ITGBL1: variants seen among roughly 807,000 people sequenced by gnomAD.
ITGBL1 encodes the protein integrin beta-like protein 1.
Under a neutral mutation model 68.5 loss-of-function variants are expected in ITGBL1, and 51 were observed. The ratio of observed to expected loss-of-function variants is 0.74; its 90% CI spans 0.59 to 0.94. The LOEUF is 0.94. Ranked by LOEUF, ITGBL1 falls within the 40% of genes least tolerant of loss-of-function variation. The pLI, the probability that ITGBL1 is intolerant of heterozygous loss-of-function variation, is 0.00. For missense variants in ITGBL1, 649 were observed against 647.4 expected (o/e 1.00, Z -0.03); for synonymous variants, 209 against 227.3 (o/e 0.92, Z 0.72).
intron 3 of ITGBL1, among the ~76,000 whole-genome samples, chr13:101,569,273 T>G (rs2050235319): frequency 6.6e-6 from 1 of 152,190 alleles, no homozygotes; most frequent in South Asian, 2.1e-4. Context: ...ATTTAGGGTT[T>G]TTTTTTAGAG....
chr13:101,526,696 A>G (rs2049385924), intron 2 of ITGBL1, among the ~76,000 whole-genome samples: 1 of 146,430 alleles, frequency 6.8e-6, no homozygotes, highest in African/African-American at 2.5e-5. Flanking sequence ...TATGTAAGAA[A>G]AGTTCAGTAA....
chr13:101,569,017 C>G (rs538468364), intron 3 of ITGBL1, among the ~76,000 whole-genome samples: 2 of 138,856 alleles, frequency 1.4e-5, no homozygotes, highest in African/African-American at 5.4e-5. Flanking sequence ...ATAACACCCA[C>G]CCCTCCAAAC....
intron 4 of ITGBL1, 99 bp from the exon 5 acceptor site, chr13:101,579,188 T>TA: frequency 7.8e-7 from 1 of 1,275,182 alleles, no homozygotes; most frequent in Non-Finnish European, 1.1e-6. Flanking sequence ...GCTGTGACAG[T>TA]ATTTCAGAAG....
At chr13:101,709,516 G>A (rs113436139) in intron 9 of ITGBL1, among the ~76,000 whole-genome samples, 2 of 151,898 alleles carry the variant, frequency 1.3e-5, no homozygotes, top group South Asian at 2.1e-4. Context: ...AGAATGAATC[G>A]TTTTTGAATT....
intron 8 of ITGBL1, among the ~76,000 whole-genome samples, chr13:101,705,104 AT>A (rs1282613549): frequency 6.6e-6 from 1 of 151,978 alleles, no homozygotes; most frequent in Non-Finnish European, 1.5e-5. Flanking sequence ...TTTTAAAAGA[AT>A]GTCAGACATT....
At chr13:101,647,136 A>G (rs565291255) in intron 7 of ITGBL1, among the ~76,000 whole-genome samples, 18 of 152,298 alleles carry the variant, frequency 1.2e-4, no homozygotes, top group African/African-American at 4.1e-4. Context: ...TTATTCACTG[A>G]AATATATGAA....
At chr13:101,642,630 T>C (rs1424769916) in intron 7 of ITGBL1, among the ~76,000 whole-genome samples, 1 of 151,920 alleles carries the variant, frequency 6.6e-6, no homozygotes, top group African/African-American at 2.4e-5. Flanking sequence ...AGACATGAAG[T>C]CCTTGCCCAT....
chr13:101,647,039 CTTTT>C (rs1221864320), intron 7 of ITGBL1, among the ~76,000 whole-genome samples: 2 of 152,018 alleles, frequency 1.3e-5, no homozygotes, highest in African/African-American at 2.4e-5. Context: ...GTTTTCATCT[CTTTT>C]TTTATTTTCC....
At chr13:101,613,087 G>A (rs976298961) in intron 7 of ITGBL1, among the ~76,000 whole-genome samples, 6 of 151,976 alleles carry the variant, frequency 3.9e-5, no homozygotes, top group African/African-American at 1.5e-4. Flanking sequence ...AAACTTTTTG[G>A]ACCCTTAACT....
chr13:101,647,952 A>G (rs2032616219), intron 7 of ITGBL1, among the ~76,000 whole-genome samples: 1 of 152,204 alleles, frequency 6.6e-6, no homozygotes, highest in African/African-American at 2.4e-5. Flanking sequence ...CTGAATTTCA[A>G]CATCCATGAA....
intron 7 of ITGBL1, among the ~76,000 whole-genome samples, chr13:101,691,461 T>C (rs552006982): frequency 2.2e-4 from 33 of 152,204 alleles, no homozygotes; most frequent in Non-Finnish European, 3.1e-4. Flanking sequence ...TTTAACAAGA[T>C]ACAAGTTCAG....
chr13:101,533,450 AAGC>A (rs1465381511), intron 2 of ITGBL1, among the ~76,000 whole-genome samples: 1 of 152,230 alleles, frequency 6.6e-6, no homozygotes, highest in Non-Finnish European at 1.5e-5. Context: ...ATATTTTTAG[AAGC>A]AGACTTAAAA....
intron 7 of ITGBL1, among the ~76,000 whole-genome samples, chr13:101,611,880 T>A (rs950034792): frequency 6.6e-6 from 1 of 152,126 alleles, no homozygotes; most frequent in African/African-American, 2.4e-5. Context: ...TTGTGTCTGG[T>A]TTTGCAAAGC....
chr13:101,594,675 C>T (rs571412215), intron 6 of ITGBL1, among the ~76,000 whole-genome samples: 1 of 152,214 alleles, frequency 6.6e-6, no homozygotes, highest in African/African-American at 2.4e-5. Flanking sequence ...TATTTGCAAA[C>T]CATATATCCA....
intron 7 of ITGBL1, among the ~76,000 whole-genome samples, chr13:101,608,221 A>G (rs1484249256): frequency 6.6e-6 from 1 of 152,076 alleles, no homozygotes; most frequent in East Asian, 1.9e-4. Flanking sequence ...ACCTAGGAAC[A>G]TACTTTCAAA....
chr13:101,584,069 C>T (rs933314537), intron 6 of ITGBL1, among the ~76,000 whole-genome samples: 3 of 152,122 alleles, frequency 2.0e-5, no homozygotes, highest in Non-Finnish European at 1.5e-5. Flanking sequence ...CTTTGATAGG[C>T]TTTAATGTTA....
chr13:101,543,292 G>T (rs1033078479), intron 2 of ITGBL1, among the ~76,000 whole-genome samples: 7 of 152,036 alleles, frequency 4.6e-5, no homozygotes, highest in Non-Finnish European at 8.8e-5. Context: ...GTCTGTAAAG[G>T]ATTTTATTTC....
rs34627046 is a variant in ITGBL1 at position 101,689,211 on chromosome 13, T to TAAAAAAAAAAAAAAAAAAAAAAAAA, written c.1016-3352_1016-3351insAAAAAAAAAAAAAAAAAAAAAAAAA. On this transcript the variant is annotated intron_variant, in intron 7 of 10. Coordinates refer to ENST00000376180, the MANE Select transcript of ITGBL1 (RefSeq NM_004791.3). ...CCTGGGGACAGAGCAAGACTCTGCCTAAAAAAAAAAAAAAAAAAAAAATTA... is the reference window on the plus strand; with the variant it reads ...CCTGGGGACAGAGCAAGACTCTGCCTAAAAAAAAAAAAAAAAAAAAAAAAAAAAAAAAAAAAAAAAAAAAAAATTA... Among the ~76,000 whole-genome samples the TAAAAAAAAAAAAAAAAAAAAAAAAA allele has an allele frequency of 4.7e-3, 353 of 74,812 alleles. 23 individuals are homozygous for TAAAAAAAAAAAAAAAAAAAAAAAAA. Among genetic ancestry groups the TAAAAAAAAAAAAAAAAAAAAAAAAA allele is most frequent in the East Asian group, 0.012 (10 of 828 alleles). 49.1% of individuals were successfully genotyped at this position (74,812 alleles called of 152,430 possible).
intron 2 of ITGBL1, among the ~76,000 whole-genome samples, chr13:101,481,295 A>T (rs2048621144): frequency 6.6e-6 from 1 of 151,924 alleles, no homozygotes; most frequent in African/African-American, 2.4e-5. Context: ...AATAGGAAAA[A>T]GATAAAAGCC....
Sources: gnomAD v4.1 joint callset for allele counts (sites outside exome capture counted in the v4.1 genomes callset) on GRCh38, gnomAD v4.1.1 for gene constraint, MANE v1.5 for transcripts, NCBI Gene and HGNC (gene_info 2026-07-23, HGNC 2026-07-21) for gene names.